Variants in CATSPER4 observed in about 807,000 individuals in gnomAD.
CATSPER4 encodes the protein cation channel sperm associated 4, also known as cation channel sperm-associated protein 4.
Under a neutral mutation model 54.4 loss-of-function variants are expected in CATSPER4, and 46 were observed. That is an observed-to-expected ratio of 0.84 (90% CI 0.67 to 1.08). CATSPER4 has a LOEUF of 1.08. Among genes scored for constraint, CATSPER4 ranks in the 50% least tolerant of loss-of-function variants. The pLI is 0.00. For synonymous variants in CATSPER4, 230 were observed against 231.9 expected (o/e 0.99, Z 0.08); for missense variants, 574 against 612.8 (o/e 0.94, Z 0.67).
chr1:26,200,649 C>T (rs1028938445), intron 7 of CATSPER4, among the ~76,000 whole-genome samples, 181 bp from the exon 8 acceptor site: 10 of 151,944 alleles, frequency 6.6e-5, no homozygotes, highest in African/African-American at 2.2e-4. Flanking sequence ...GGGGGGAGGT[C>T]ATGTGCATTT....
intron 6 of CATSPER4, 42 bp downstream of exon 6, chr1:26,198,461 G>A (rs769352387): frequency 4.0e-5 from 65 of 1,612,858 alleles, no homozygotes; most frequent in Non-Finnish European, 5.3e-5. Flanking sequence ...CACCTATGGG[G>A]CAGGGTAGCC....
In CATSPER4 at chr1:26,198,352, G is replaced by GT. The variant is rs1159402519; in HGVS notation, c.747dup (p.Ala250CysfsTer20). 1 of 1,614,020 alleles carries GT rather than the reference G, an allele frequency of 6.2e-7. No individual in the cohort carries two copies. Among genetic ancestry groups the GT allele is most frequent in the Admixed American group, 1.7e-5 (1 of 60,006 alleles). ...GCCCAAGCATTTCCAGAACATACAGGTTGCGCTGTACACCCTCTTCATCTG... is the reference window on the plus strand; with the variant it reads ...GCCCAAGCATTTCCAGAACATACAGGTTTGCGCTGTACACCCTCTTCATCTG... On this transcript the variant is annotated frameshift_variant, in exon 6 of 10. Transcript: ENST00000456354. LOFTEE classifies it high-confidence loss of function.
chr1:26,194,767 A>G (rs1211188429), intron 3 of CATSPER4, among the ~76,000 whole-genome samples: 1 of 151,602 alleles, frequency 6.6e-6, no homozygotes, highest in Non-Finnish European at 1.5e-5. Flanking sequence ...CCCCCAATAC[A>G]TTGAAGAACT....
chr1:26,190,865 T>A (rs1302372284), intron 1 of CATSPER4, 25 bp downstream of exon 1: 7 of 1,573,430 alleles, frequency 4.4e-6, no homozygotes, highest in South Asian at 1.2e-5. Context: ...CGCCCCACAG[T>A]GGCCCCTTCT....
chr1:26,201,289 A>G, intron 8 of CATSPER4, 65 bp from the exon 9 acceptor site: 1 of 1,533,552 alleles, frequency 6.5e-7, no homozygotes, highest in Non-Finnish European at 9.0e-7. Flanking sequence ...ACGCCAGGGA[A>G]GAGGTGGGAG....
At position 26,190,830 on chromosome 1, in the gene CATSPER4, C is replaced by A; in HGVS notation, c.203C>A (p.Thr68Lys). 1 of 1,609,084 alleles carries A rather than the reference C, an allele frequency of 6.2e-7. No individual in the cohort carries two copies. The highest frequency in any genetic ancestry group is 8.5e-7 in the Non-Finnish European group (1 of 1,177,800). Residue 68 changes from threonine (T) to lysine (K), a missense_variant, in exon 1 of 10, where the codon ACG (threonine) becomes AAG (lysine). Thr to Lys is a moderately conservative substitution (Grantham distance 78). Transcript: ENST00000456354. ...EQVLINRQEI[T>K]NKADAWDMQE... Reference sequence around the variant, plus strand: ...GTGCTCATCAACCGCCAGGAAATCACGAACAAAGCGGTAAGGATAGCTCTC... The same window carrying A: ...GTGCTCATCAACCGCCAGGAAATCAAGAACAAAGCGGTAAGGATAGCTCTC...
chr1:26,202,446 C>T (rs376750882), intron 9 of CATSPER4, 43 bp from the exon 10 acceptor site: 41 of 1,572,664 alleles, frequency 2.6e-5, no homozygotes, highest in Non-Finnish European at 3.3e-5. Flanking sequence ...GCTGCCATAT[C>T]GGGGGGAGTG....
chr1:26,201,058 GGGCT>G lies in CATSPER4; in HGVS notation c.1199+19_1199+22del. 6.3e-7 allele frequency: 1 copy of G among 1,593,244 alleles called. No individual in the cohort carries two copies. Among genetic ancestry groups the G allele is most frequent in the Non-Finnish European group, 8.6e-7 (1 of 1,160,966 alleles). ...ACTCAACATGTAGGGGAGGGTACTG[GGGCT>G]GCCCCCAAGTCATGTGAGTCAAGGC... On this transcript the variant is annotated intron_variant, in intron 8 of 9. Transcript: ENST00000456354.
intron 9 of CATSPER4, 176 bp downstream of exon 9, chr1:26,201,695 T>A: frequency 1.7e-6 from 1 of 588,400 alleles, no homozygotes. Flanking sequence ...CTTTCCTTTT[T>A]TTTTTTTTTT....
rs531060780 is a variant in CATSPER4 at position 26,199,505 on chromosome 1, G to A, written c.813-379G>A. On this transcript the variant is annotated intron_variant, in intron 6 of 9. Transcript: ENST00000456354. ...TCTCAGCTACTTGGGAGGCTGAGGC[G>A]GGAGAACGACATGAACCCAGGAGGT... 7.5e-4 allele frequency among the ~76,000 whole-genome samples: 113 copies of A among 150,336 alleles called. 2 individuals are homozygous for A. In the South Asian group the frequency reaches 0.022, roughly 30 times the overall value.
intron 2 of CATSPER4, 150 bp downstream of exon 2, chr1:26,191,580 G>C: frequency 1.1e-6 from 1 of 917,716 alleles, no homozygotes. Context: ...GGAATCTGGA[G>C]ATCAAGGAAG....
In CATSPER4 at chr1:26,201,376, A is replaced by G. The variant is rs1214454982; in HGVS notation, c.1222A>G (p.Ile408Val). 4 of 1,613,920 alleles carry G rather than the reference A, an allele frequency of 2.5e-6. No individual in the cohort carries two copies. In the Admixed American group the frequency reaches 5.0e-5, roughly 20 times the overall value. Residue 408 changes from isoleucine to valine, a missense_variant, in exon 9 of 10, where the codon ATC (isoleucine) becomes GTC (valine). Physicochemically the swap from Ile to Val is conservative, Grantham distance 29 (BLOSUM62 3). Transcript: ENST00000456354. ...LNMIVEEVRA[I>V]RFNQEQESEV... Reference sequence around the variant, plus strand: ...CAGGATTGTGGAGGAGGTGCGCGCAATCCGCTTCAACCAGGAGCAGGAGTC... The same window carrying G: ...CAGGATTGTGGAGGAGGTGCGCGCAGTCCGCTTCAACCAGGAGCAGGAGTC...
chr1:26,202,630 G>C lies in CATSPER4; in HGVS notation c.*88G>C, dbSNP rs6691747. The C allele has an allele frequency of 0.59, 743,999 of 1,268,214 alleles. 223,215 individuals are homozygous for C. Among genetic ancestry groups the C allele is most frequent in the Non-Finnish European group, 0.63 (555,432 of 887,118 alleles). The allele number at this position is 1,268,214 out of a possible 1,614,324, so 78.6% of individuals were successfully genotyped here. On this transcript the variant is annotated 3_prime_UTR_variant, in exon 10 of 10. Transcript: ENST00000456354. ...CCTTAGTGTGGCTTGGCAGAGCCTG[G>C]CCAGAGCCCATCCTCTCCCTTATAC...
rs994936699 is a variant in CATSPER4, at chr1:26,193,704, A to G, written c.358-83A>G. 20 of 854,178 alleles carry G rather than the reference A, an allele frequency of 2.3e-5. 1 individual carries two copies. The highest frequency in any genetic ancestry group is 2.2e-4 in the Middle Eastern group (1 of 4,608). The allele number at this position is 854,178 out of a possible 1,614,324, so 52.9% of individuals were successfully genotyped here. A position where few individuals can be genotyped will look rare whatever the true frequency, so the allele number is the denominator to read the frequency against. On this transcript the variant is annotated intron_variant, in intron 2 of 9. Transcript: ENST00000456354. ...CAGTGATACGGGACTTCCCTCCCCT[A>G]CATACATCCTCTCCCTGCCGGCTTG...
At chr1:26,190,891 G>T (rs958956067) in intron 1 of CATSPER4, 51 bp downstream of exon 1, 3 of 1,523,616 alleles carry the variant, frequency 2.0e-6, no homozygotes, top group Non-Finnish European at 8.9e-7. Context: ...TGTGCTCATG[G>T]GCAGCAGGCC....
In CATSPER4 at chr1:26,190,845, G is replaced by T; in HGVS notation, c.213+5G>T. Reference sequence around the variant, plus strand: ...CAGGAAATCACGAACAAAGCGGTAAGGATAGCTCTCGCCCCACAGTGGCCC... The same window carrying T: ...CAGGAAATCACGAACAAAGCGGTAATGATAGCTCTCGCCCCACAGTGGCCC... On this transcript the variant is annotated splice_donor_5th_base_variant and intron_variant, in intron 1 of 9. Transcript: ENST00000456354. 1 of 1,601,792 alleles carries T rather than the reference G, an allele frequency of 6.2e-7. No homozygotes were observed. Among genetic ancestry groups the T allele is most frequent in the Non-Finnish European group, 8.5e-7 (1 of 1,174,008 alleles).
intron 3 of CATSPER4, among the ~76,000 whole-genome samples, chr1:26,196,161 T>TC (rs2124525526): frequency 6.7e-6 from 1 of 149,082 alleles, no homozygotes; most frequent in African/African-American, 2.5e-5. Context: ...TTTTTTTTTT[T>TC]CTTTAGAGAT....
intron 6 of CATSPER4, among the ~76,000 whole-genome samples, chr1:26,199,054 C>T (rs987013271): frequency 6.6e-6 from 1 of 152,160 alleles, no homozygotes; most frequent in Non-Finnish European, 1.5e-5. Flanking sequence ...CGCCTGTAAT[C>T]CCAGCACCTT....
intron 3 of CATSPER4, among the ~76,000 whole-genome samples, chr1:26,195,798 G>C (rs928289920): frequency 6.6e-6 from 1 of 152,108 alleles, no homozygotes; most frequent in Non-Finnish European, 1.5e-5. Context: ...CACCGCGCCC[G>C]GCCTATGCCA....
Sources: allele counts gnomAD v4.1 joint callset (sites outside exome capture counted in the v4.1 genomes callset), GRCh38; gene constraint gnomAD v4.1.1; transcripts MANE v1.5; gene names NCBI Gene and HGNC (gene_info 2026-07-23, HGNC 2026-07-21).